The following CADM2 variants were observed in gnomAD, a reference collection of about 807,000 sequenced individuals.
CADM2 encodes cell adhesion molecule 2.
A neutral mutation model predicts 49.8 loss-of-function variants in CADM2; 12 were observed. That is an observed-to-expected ratio of 0.24 (90% CI 0.15 to 0.39). The LOEUF (loss-of-function observed/expected upper bound fraction) is 0.39. CADM2 is among the 10% of genes least tolerant of loss of function. The pLI is 1.00. For missense variants in CADM2, 378 were observed against 492.3 expected (o/e 0.77, Z 2.20); for synonymous variants, 214 against 175.4 (o/e 1.22, Z -1.74).
At chr3:85,964,770 A>T (rs1479403765) in intron 8 of CADM2, among the ~76,000 whole-genome samples, 1 of 151,804 alleles carries the variant, frequency 6.6e-6, no homozygotes, top group Non-Finnish European at 1.5e-5. Context: ...TTTATGAACA[A>T]GCTTGGCAAT....
rs139348784 is a variant in CADM2, at chr3:85,571,889, T to A, written c.62-154633T>A. ...ATGAAATGATCCCAAGATGCAGAAG[T>A]TTAGTCATGGTATACAATGTGCTTT... is the stretch of plus-strand genomic sequence containing the variant. On this transcript the variant is annotated intron_variant, in intron 1 of 9. Transcript: ENST00000383699. 4.9e-3 allele frequency among the ~76,000 whole-genome samples: 750 copies of A among 152,308 alleles called. 8 individuals are homozygous for A. The highest frequency in any genetic ancestry group is 0.017 in the African/African-American group (696 of 41,568).
chr3:85,052,082 G>A (rs530055063), intron 1 of CADM2, among the ~76,000 whole-genome samples: 3 of 152,172 alleles, frequency 2.0e-5, no homozygotes, highest in East Asian at 1.9e-4. Context: ...AAAATCTAGA[G>A]GAGAAAACCC....
intron 1 of CADM2, among the ~76,000 whole-genome samples, chr3:85,003,085 C>G (rs79697482): frequency 0.021 from 3,227 of 152,224 alleles, 126 homozygotes; most frequent in African/African-American, 0.073. Flanking sequence ...CATGAGCTAC[C>G]TCACCTGGCC....
chr3:85,693,670 G>A (rs1275871824), intron 1 of CADM2, among the ~76,000 whole-genome samples: 1 of 146,730 alleles, frequency 6.8e-6, no homozygotes, highest in Admixed American at 6.9e-5. Flanking sequence ...GGTGGATCAC[G>A]AGGGCAGGAG....
intron 1 of CADM2, among the ~76,000 whole-genome samples, chr3:85,295,484 G>A (rs1030366756): frequency 2.6e-5 from 4 of 151,996 alleles, no homozygotes; most frequent in African/African-American, 4.8e-5. Flanking sequence ...ATAAAGACAC[G>A]TGCACATGTA....
chr3:85,192,907 A>T (rs1159761853), intron 1 of CADM2, among the ~76,000 whole-genome samples: 1 of 152,104 alleles, frequency 6.6e-6, no homozygotes, highest in Non-Finnish European at 1.5e-5. Flanking sequence ...GATTCTTTTA[A>T]GATTAAAACA....
chr3:85,905,839 G>C (rs947530630), intron 5 of CADM2, among the ~76,000 whole-genome samples: 43 of 152,208 alleles, frequency 2.8e-4, no homozygotes, highest in African/African-American at 1.0e-3. Context: ...AACTCTGGTA[G>C]TACATGGTAC....
At chr3:85,991,723 C>T (rs552893924) in intron 8 of CADM2, among the ~76,000 whole-genome samples, 22 of 151,928 alleles carry the variant, frequency 1.4e-4, no homozygotes, top group Admixed American at 5.2e-4. Flanking sequence ...ATTCTAAATA[C>T]GAGAAGCTAT....
chr3:85,884,200 C>T (rs942341873), intron 4 of CADM2, among the ~76,000 whole-genome samples: 28 of 152,306 alleles, frequency 1.8e-4, no homozygotes, highest in Middle Eastern at 6.8e-3. Context: ...TTCATTGAAA[C>T]ACACCTGCGT....
intron 3 of CADM2, among the ~76,000 whole-genome samples, chr3:85,860,943 A>C (rs2075507509): frequency 6.6e-6 from 1 of 152,160 alleles, no homozygotes. Context: ...GAACAGCATC[A>C]AGGCCAATGT....
intron 1 of CADM2, among the ~76,000 whole-genome samples, chr3:85,506,926 A>G (rs1026154136): frequency 6.6e-6 from 1 of 152,216 alleles, no homozygotes; most frequent in Admixed American, 6.5e-5. Flanking sequence ...CCCAAAAATA[A>G]ATATTCTAAC....
Position 85,273,529 on chromosome 3 carries a change from G to A in CADM2, c.61+313861G>A, listed in dbSNP as rs530064822. ...GATAAATTTTGAATATGCTGCAATA[G>A]GATTTGCCAATTTATTGAATCAAGA... is the stretch of plus-strand genomic sequence containing the variant. On this transcript the variant is annotated intron_variant, in intron 1 of 9. Coordinates refer to ENST00000383699, the MANE Select transcript of CADM2 (RefSeq NM_001167675.2). Among the ~76,000 whole-genome samples the A allele has an allele frequency of 5.9e-5, 9 of 151,408 alleles. No individual in the cohort carries two copies. The East Asian group carries it at 1.6e-3, about 26-fold the overall frequency.
chr3:85,019,068 T>C (rs1317923863), intron 1 of CADM2, among the ~76,000 whole-genome samples: 1 of 152,208 alleles, frequency 6.6e-6, no homozygotes, highest in Non-Finnish European at 1.5e-5. Flanking sequence ...TGAACTTAGA[T>C]ACAAAGTGCT....
At chr3:84,986,538 TA>T (rs1235098855) in intron 1 of CADM2, among the ~76,000 whole-genome samples, 1 of 150,478 alleles carries the variant, frequency 6.6e-6, no homozygotes, top group Non-Finnish European at 1.5e-5. Context: ...GGGAGAAGGA[TA>T]AAAAACTTCC....
At chr3:85,114,214 A>G (rs1044877557) in intron 1 of CADM2, among the ~76,000 whole-genome samples, 1 of 151,782 alleles carries the variant, frequency 6.6e-6, no homozygotes, top group African/African-American at 2.4e-5. Context: ...TGGATGGGGG[A>G]CTGGGGAGAG....
chr3:85,901,235 A>G (rs1439007844), intron 5 of CADM2, among the ~76,000 whole-genome samples: 1 of 152,132 alleles, frequency 6.6e-6, no homozygotes, highest in Non-Finnish European at 1.5e-5. Flanking sequence ...ACATAAAAAG[A>G]CATTAGATCC....
intron 1 of CADM2, among the ~76,000 whole-genome samples, chr3:85,461,608 A>T (rs1204350253): frequency 6.6e-6 from 1 of 152,036 alleles, no homozygotes; most frequent in Non-Finnish European, 1.5e-5. Context: ...TTTTATCCCA[A>T]ATTGTCACAG....
chr3:85,153,421 G>C (rs2039997451), intron 1 of CADM2, among the ~76,000 whole-genome samples: 1 of 152,186 alleles, frequency 6.6e-6, no homozygotes, highest in Non-Finnish European at 1.5e-5. Context: ...CCTGCACCTG[G>C]CTCAGAGGGT....
At chr3:85,204,685 T>G (rs963139406) in intron 1 of CADM2, among the ~76,000 whole-genome samples, 1 of 152,184 alleles carries the variant, frequency 6.6e-6, no homozygotes, top group African/African-American at 2.4e-5. Context: ...TATCTAGAAT[T>G]TGATACACTA....
Sources: gnomAD v4.1 joint callset for allele counts (sites outside exome capture counted in the v4.1 genomes callset) on GRCh38, gnomAD v4.1.1 for gene constraint, MANE v1.5 for transcripts, NCBI Gene and HGNC (gene_info 2026-07-23, HGNC 2026-07-21) for gene names.